RNF180: variants seen among roughly 807,000 people sequenced by gnomAD.
The protein encoded by RNF180 is ring finger protein 180.
A neutral mutation model predicts 59.2 loss-of-function variants in RNF180; 38 were observed. The ratio of observed to expected loss-of-function variants is 0.64; its 90% CI spans 0.50 to 0.84. The LOEUF (loss-of-function observed/expected upper bound fraction) is 0.84, where lower values mean the gene tolerates loss of function less well. Ranked by LOEUF, RNF180 falls within the 40% of genes least tolerant of loss-of-function variation. The probability of loss-of-function intolerance (pLI) is 0.00; values close to 1 mark genes in which losing one functional copy is unlikely to be tolerated. For missense variants in RNF180, 705 were observed against 700.9 expected, an observed-to-expected ratio of 1.01 and a Z score of -0.07; for synonymous variants, 262 against 240.3, an observed-to-expected ratio of 1.09 and a Z score of -0.84.
chr5:64,172,984 A>T (rs1408856925), intron 1 of RNF180, among the ~76,000 whole-genome samples: 3 of 152,228 alleles, frequency 2.0e-5, no homozygotes, highest in Non-Finnish European at 4.4e-5. Flanking sequence ...TTGGGTTTGG[A>T]ACCACTGGGA....
intron 5 of RNF180, among the ~76,000 whole-genome samples, chr5:64,238,417 C>T (rs1742583239): frequency 6.6e-6 from 1 of 152,160 alleles, no homozygotes; most frequent in African/African-American, 2.4e-5. Context: ...CCTTTATACT[C>T]TTCTCTATAG....
intron 5 of RNF180, among the ~76,000 whole-genome samples, chr5:64,252,492 A>C (rs1743647766): frequency 6.6e-6 from 1 of 152,216 alleles, no homozygotes; most frequent in East Asian, 1.9e-4. Flanking sequence ...ATCTAGATTT[A>C]GTCATTTCAT....
chr5:64,228,915 C>CCT (rs781164922), intron 5 of RNF180, among the ~76,000 whole-genome samples: 1 of 98,490 alleles, frequency 1.0e-5, no homozygotes, highest in African/African-American at 4.2e-5. Context: ...TCTATTACTG[C>CCT]TTTTTTTTTT....
chr5:64,272,627 G>C (rs565579232), intron 5 of RNF180, among the ~76,000 whole-genome samples: 1 of 152,100 alleles, frequency 6.6e-6, no homozygotes, highest in Non-Finnish European at 1.5e-5. Context: ...AAAATTATTA[G>C]ATGCAAGAAA....
Position 64,234,269 on chromosome 5 carries a change from T to C in RNF180, c.1227+16873T>C, listed in dbSNP as rs190908602. Among the ~76,000 whole-genome samples the C allele has an allele frequency of 6.6e-5, 10 of 152,190 alleles. No individual in the cohort carries two copies. In the East Asian group the frequency reaches 2.0e-3, roughly 30 times the overall value. On this transcript the variant is annotated intron_variant, in intron 5 of 7. Transcript: ENST00000389100. ...CACTTGAGATCAGGAGTTCAAGATC[T>C]GCCTGGCCAACATGGCGAAACCCCG... is the stretch of plus-strand genomic sequence containing the variant.
At chr5:64,342,753 A>C (rs2112565941) in intron 7 of RNF180, among the ~76,000 whole-genome samples, 1 of 152,268 alleles carries the variant, frequency 6.6e-6, no homozygotes, top group South Asian at 2.1e-4. Context: ...AATGCAGAGA[A>C]CCATGCTGTA....
intron 2 of RNF180, among the ~76,000 whole-genome samples, chr5:64,207,044 A>G (rs1752052158): frequency 6.6e-6 from 1 of 152,100 alleles, no homozygotes; most frequent in South Asian, 2.1e-4. Context: ...GTCCTTATGA[A>G]GTTTTCAGGA....
intron 1 of RNF180, among the ~76,000 whole-genome samples, chr5:64,188,751 G>T (rs1374163017): frequency 6.6e-6 from 1 of 152,076 alleles, no homozygotes; most frequent in Non-Finnish European, 1.5e-5. Flanking sequence ...TATGCAGGAA[G>T]TATAACAGAA....
chr5:64,299,535 G>A lies in RNF180; in HGVS notation c.1228-25651G>A, dbSNP rs188852964. On this transcript the variant is annotated intron_variant, in intron 5 of 7. Transcript: ENST00000389100. ...TTTGACATTCTGTTATATTGTTATA[G>A]TATTTTAAAAATTGATTTAAATATC... is the stretch of plus-strand genomic sequence containing the variant. Among the ~76,000 whole-genome samples the A allele has an allele frequency of 1.6e-3, 242 of 152,068 alleles. 2 individuals are homozygous for A. The highest frequency in any genetic ancestry group is 5.5e-3 in the African/African-American group (228 of 41,540).
intron 5 of RNF180, among the ~76,000 whole-genome samples, chr5:64,274,706 C>G (rs1327004111): frequency 6.6e-6 from 1 of 152,014 alleles, no homozygotes; most frequent in Non-Finnish European, 1.5e-5. Context: ...CTCCTGGTGA[C>G]TCTCTTTCTA....
At chr5:64,332,565 G>A (rs939018502) in intron 7 of RNF180, among the ~76,000 whole-genome samples, 5 of 152,042 alleles carry the variant, frequency 3.3e-5, no homozygotes, top group African/African-American at 7.2e-5. Context: ...AGATTAAATG[G>A]GCTAATGTGA....
intron 2 of RNF180, among the ~76,000 whole-genome samples, chr5:64,208,667 G>C (rs573584424): frequency 6.6e-6 from 1 of 151,938 alleles, no homozygotes; most frequent in Non-Finnish European, 1.5e-5. Context: ...TATAGTTGAG[G>C]TGTCTGTGTT....
chr5:64,212,298 A>AC, intron 3 of RNF180, 138 bp downstream of exon 3: 2 of 612,004 alleles, frequency 3.3e-6, no homozygotes, highest in South Asian at 4.2e-5. Context: ...CTCTCTTCAC[A>AC]CTTCTTTTCT....
At chr5:64,296,929 G>C (rs1742911217) in intron 5 of RNF180, among the ~76,000 whole-genome samples, 1 of 152,114 alleles carries the variant, frequency 6.6e-6, no homozygotes, top group African/African-American at 2.4e-5. Flanking sequence ...TCATTCATCT[G>C]GTTTTTTGGT....
In RNF180 at chr5:64,213,995, T is replaced by G. The variant is rs1365947989; in HGVS notation, c.669T>G (p.Ala223=). The change falls in exon 4 of 8, where the codon GCT becomes GCG. Residue 223 remains alanine, a synonymous_variant. Coordinates refer to ENST00000389100, the MANE Select transcript of RNF180 (RefSeq NM_001113561.2). ...TGACTGGCAGATGCGCTACAAGAGCTTTTCATAGAAAATCACATAGTTTGG... is the reference window on the plus strand; with the variant it reads ...TGACTGGCAGATGCGCTACAAGAGCGTTTCATAGAAAATCACATAGTTTGG... ...QLVTGRCATR[A]FHRKSHSLDL... is the part of the protein sequence containing the mutation. 3 of 1,614,094 alleles carry G rather than the reference T, an allele frequency of 1.9e-6. No homozygotes were observed. The highest frequency in any genetic ancestry group is 2.5e-6 in the Non-Finnish European group (3 of 1,180,002).
intron 5 of RNF180, among the ~76,000 whole-genome samples, chr5:64,257,041 C>T (rs996528491): frequency 3.9e-5 from 6 of 152,122 alleles, no homozygotes; most frequent in Non-Finnish European, 5.9e-5. Flanking sequence ...GTGATTTTTG[C>T]ACATTGATTT....
At chr5:64,247,598 G>C (rs1354968762) in intron 5 of RNF180, among the ~76,000 whole-genome samples, 3 of 152,098 alleles carry the variant, frequency 2.0e-5, no homozygotes, top group Non-Finnish European at 4.4e-5. Flanking sequence ...CACTGCTCAT[G>C]GACATAAGAG....
chr5:64,289,901 T>C (rs1189774951), intron 5 of RNF180, among the ~76,000 whole-genome samples: 2 of 152,172 alleles, frequency 1.3e-5, no homozygotes. Context: ...AGCTCTGATT[T>C]TGGTTATTTC....
intron 1 of RNF180, among the ~76,000 whole-genome samples, chr5:64,176,736 T>G (rs1051757629): frequency 1.3e-5 from 2 of 152,204 alleles, no homozygotes; most frequent in East Asian, 3.8e-4. Flanking sequence ...TGGTTTGATA[T>G]CTGGAAAACC....
Sources: allele counts gnomAD v4.1 joint callset (sites outside exome capture counted in the v4.1 genomes callset), GRCh38; gene constraint gnomAD v4.1.1; transcripts MANE v1.5; gene names NCBI Gene and HGNC (gene_info 2026-07-23, HGNC 2026-07-21).